The following TTC28 variants were observed in gnomAD, a reference collection of about 807,000 sequenced individuals.
TTC28 encodes the protein tetratricopeptide repeat protein 28.
TTC28 carries 61 observed loss-of-function variants against 198.0 expected under a neutral mutation model. The observed-to-expected ratio is 0.31, with a 90% confidence interval of 0.25 to 0.38. TTC28 has a LOEUF of 0.38. TTC28 is among the 10% of genes least tolerant of loss of function. TTC28 has a pLI of 1.00. For missense variants in TTC28, 2,678 were observed against 3,164.0 expected (o/e 0.85, Z 3.69); for synonymous variants, 1,171 against 1,297.8 (o/e 0.90, Z 2.10).
At chr22:28,388,202 A>G (rs1366562704) in intron 2 of TTC28, among the ~76,000 whole-genome samples, 1 of 152,116 alleles carries the variant, frequency 6.6e-6, no homozygotes. Context: ...CCATTGATCT[A>G]TATCTCTGTT....
chr22:28,593,357 C>T (rs2050469829), intron 2 of TTC28, among the ~76,000 whole-genome samples: 1 of 152,184 alleles, frequency 6.6e-6, no homozygotes, highest in Non-Finnish European at 1.5e-5. Context: ...CCCTAATTCC[C>T]AGACTAAAAC....
At chr22:28,227,210 T>G (rs548396602) in intron 5 of TTC28, among the ~76,000 whole-genome samples, 16 of 152,154 alleles carry the variant, frequency 1.1e-4, no homozygotes, top group Non-Finnish European at 2.4e-4. Context: ...GAAGTGAATC[T>G]TTACCTTACA....
chr22:28,060,834 C>T (rs942557393), intron 12 of TTC28, among the ~76,000 whole-genome samples: 1 of 151,904 alleles, frequency 6.6e-6, no homozygotes, highest in Non-Finnish European at 1.5e-5. Context: ...TACAGTACAC[C>T]AACAGTGTAA....
chr22:28,499,811 T>C (rs983546501), intron 2 of TTC28, among the ~76,000 whole-genome samples: 3 of 152,146 alleles, frequency 2.0e-5, no homozygotes, highest in Non-Finnish European at 2.9e-5. Flanking sequence ...GTTTTTAAAA[T>C]TGGCATATAA....
chr22:28,289,581 C>T (rs1358869969), intron 5 of TTC28, among the ~76,000 whole-genome samples: 1 of 152,098 alleles, frequency 6.6e-6, no homozygotes, highest in Admixed American at 6.6e-5. Context: ...GTCTGTAGTC[C>T]CAGCCACTCA....
Position 28,296,342 on chromosome 22 carries a change from A to AG in TTC28, c.803-15dup, listed in dbSNP as rs911869711. On this transcript the variant is annotated splice_polypyrimidine_tract_variant and intron_variant, in intron 4 of 22. Coordinates refer to ENST00000397906, the MANE Select transcript of TTC28 (RefSeq NM_001145418.2). ...CTGTCTGGTCACCTGGATTGAATTG[A>AG]GAAAAAAAAAAAGAAAAAATTTCTC... is the stretch of plus-strand genomic sequence containing the variant. The AG allele has an allele frequency of 4.7e-6, 7 of 1,494,220 alleles. No homozygotes were observed. The African/African-American group carries it at 5.7e-5, about 12-fold the overall frequency. 92.6% of individuals were successfully genotyped at this position (1,494,220 alleles called of 1,614,324 possible).
intron 2 of TTC28, among the ~76,000 whole-genome samples, chr22:28,413,048 T>C (rs1245484783): frequency 6.6e-6 from 1 of 152,194 alleles, no homozygotes; most frequent in Non-Finnish European, 1.5e-5. Flanking sequence ...GCTGTGTTAT[T>C]TATATATCTA....
intron 12 of TTC28, among the ~76,000 whole-genome samples, chr22:28,066,769 C>T (rs1348257269): frequency 6.6e-6 from 1 of 152,168 alleles, no homozygotes; most frequent in African/African-American, 2.4e-5. Flanking sequence ...GCCCTGGCTA[C>T]AGGGTGGGTC....
chr22:28,358,560 T>C (rs1191096201), intron 2 of TTC28, among the ~76,000 whole-genome samples: 2 of 152,212 alleles, frequency 1.3e-5, no homozygotes, highest in Admixed American at 1.3e-4. Flanking sequence ...ATCAGCAATT[T>C]GCAGTGCAAC....
chr22:28,442,653 C>A (rs917709403), intron 2 of TTC28, among the ~76,000 whole-genome samples: 2 of 152,226 alleles, frequency 1.3e-5, no homozygotes, highest in Admixed American at 1.3e-4. Flanking sequence ...CGAGCTGTCA[C>A]CCCTGGGGCT....
chr22:28,090,107 AG>A (rs1172328449), intron 12 of TTC28, among the ~76,000 whole-genome samples: 1 of 152,134 alleles, frequency 6.6e-6, no homozygotes, highest in Non-Finnish European at 1.5e-5. Flanking sequence ...TAAAAGTTAA[AG>A]TATAATAATA....
intron 12 of TTC28, among the ~76,000 whole-genome samples, chr22:28,054,849 C>T (rs1279005405): frequency 6.6e-6 from 1 of 152,220 alleles, no homozygotes; most frequent in Non-Finnish European, 1.5e-5. Flanking sequence ...TTTCATCTAA[C>T]TTTTAGCATT....
intron 2 of TTC28, among the ~76,000 whole-genome samples, chr22:28,549,701 A>C (rs2049623102): frequency 6.6e-6 from 1 of 152,238 alleles, no homozygotes; most frequent in Non-Finnish European, 1.5e-5. Context: ...TATATTCTGT[A>C]GGTTAGATCC....
intron 2 of TTC28, among the ~76,000 whole-genome samples, chr22:28,435,034 A>T (rs1230199932): frequency 6.6e-6 from 1 of 152,222 alleles, no homozygotes. Context: ...GATAAATTTC[A>T]TTCTTTAATA....
chr22:28,592,115 A>G (rs2050445102), intron 2 of TTC28, among the ~76,000 whole-genome samples: 1 of 152,088 alleles, frequency 6.6e-6, no homozygotes, highest in Admixed American at 6.6e-5. Context: ...TGGGTGTGGT[A>G]GGACATGAAC....
rs138612299 is a variant in TTC28 at position 28,018,244 on chromosome 22, AGTGTGT to A, written c.4074-3858_4074-3853del. ...ACTCCTCTGATCTGTGCTGCTATTC[AGTGTGT>A]GTGTGTGTGTGTGTGTGTGTGTGTG... is the stretch of plus-strand genomic sequence containing the variant. On this transcript the variant is annotated intron_variant, in intron 13 of 22. Coordinates refer to ENST00000397906, the MANE Select transcript of TTC28 (RefSeq NM_001145418.2). Among the ~76,000 whole-genome samples, 527 of 114,958 alleles carry A rather than the reference AGTGTGT, an allele frequency of 4.6e-3. 9 individuals carry two copies. Among genetic ancestry groups the A allele is most frequent in the African/African-American group, 0.017 (474 of 28,342 alleles). 75.4% of individuals were successfully genotyped at this position (114,958 alleles called of 152,430 possible).
At chr22:28,136,386 A>G (rs1256462847) in intron 6 of TTC28, among the ~76,000 whole-genome samples, 1 of 152,160 alleles carries the variant, frequency 6.6e-6, no homozygotes, top group Non-Finnish European at 1.5e-5. Flanking sequence ...GCCTCAAGCG[A>G]TCCTCCTGCC....
At position 28,089,571 on chromosome 22, in the gene TTC28, G is replaced by A. The variant is rs529331495; in HGVS notation, c.3932+4509C>T. Among the ~76,000 whole-genome samples the A allele has an allele frequency of 1.3e-4, 19 of 151,294 alleles. No individual in the cohort carries two copies. In the East Asian group the frequency reaches 2.7e-3, roughly 22 times the overall value. ...GGAGATATACCTAATGCTTAATGAC[G>A]AGTTACTGGGTGCAGCACACCAGCA... On this transcript the variant is annotated intron_variant, in intron 12 of 22. Transcript: ENST00000397906.
intron 2 of TTC28, among the ~76,000 whole-genome samples, chr22:28,603,031 C>T (rs1175629569): frequency 1.3e-5 from 2 of 152,092 alleles, no homozygotes; most frequent in African/African-American, 4.8e-5. Context: ...CAGGCGTGCA[C>T]CACCACTCCA....
Sources: gnomAD v4.1 joint callset for allele counts (sites outside exome capture counted in the v4.1 genomes callset) on GRCh38, gnomAD v4.1.1 for gene constraint, MANE v1.5 for transcripts, NCBI Gene and HGNC (gene_info 2026-07-23, HGNC 2026-07-21) for gene names.